Variants in TAFA2 observed in about 807,000 individuals in gnomAD.
The protein encoded by TAFA2 is chemokine-like protein TAFA-2.
In TAFA2, 7 loss-of-function variants were observed where a neutral mutation model predicts 18.8. That is an observed-to-expected ratio of 0.37 (90% CI 0.21 to 0.70). TAFA2 has a LOEUF of 0.70. Among genes scored for constraint, TAFA2 ranks in the 30% least tolerant of loss-of-function variants. The probability of loss-of-function intolerance (pLI) is 0.53; values close to 1 mark genes in which losing one functional copy is unlikely to be tolerated. For synonymous variants in TAFA2, 60 were observed against 54.2 expected, an observed-to-expected ratio of 1.11 and a Z score of -0.47; for missense variants, 122 against 158.1, an observed-to-expected ratio of 0.77 and a Z score of 1.23.
At chr12:61,828,648 T>C (rs532722035) in intron 2 of TAFA2, among the ~76,000 whole-genome samples, 1 of 151,922 alleles carries the variant, frequency 6.6e-6, no homozygotes, top group East Asian at 1.9e-4. Context: ...TTACCAATAT[T>C]TGGGAGAAAA....
intron 2 of TAFA2, among the ~76,000 whole-genome samples, chr12:61,864,381 A>G (rs1449430535): frequency 6.7e-6 from 1 of 149,174 alleles, no homozygotes; most frequent in African/African-American, 2.5e-5. Flanking sequence ...TATATATACC[A>G]TATAGAAATA....
Position 61,967,487 on chromosome 12 carries a change from T to C in TAFA2, c.-1-100061A>G, listed in dbSNP as rs1879108100. Among the ~76,000 whole-genome samples, 2 of 151,872 alleles carry C rather than the reference T, an allele frequency of 1.3e-5. 1 individual carries two copies. Among genetic ancestry groups the C allele is most frequent in the South Asian group, 4.1e-4 (2 of 4,826 alleles). On this transcript the variant is annotated intron_variant, in intron 1 of 4. Transcript: ENST00000416284. ...TTCTAAAGAACATGCTACACTCCCA[T>C]TGTTTGTCCTATCCATTTGTCCATT...
At chr12:61,774,020 C>T (rs1592379605) in intron 2 of TAFA2, among the ~76,000 whole-genome samples, 1 of 151,770 alleles carries the variant, frequency 6.6e-6, no homozygotes, top group Non-Finnish European at 1.5e-5. Context: ...CAAACAATCC[C>T]ATCAAAAAGT....
chr12:62,208,543 A>G (rs1347497339), intron 1 of TAFA2, among the ~76,000 whole-genome samples: 2 of 152,226 alleles, frequency 1.3e-5, no homozygotes, highest in Non-Finnish European at 2.9e-5. Flanking sequence ...CTTGGTAGGC[A>G]GCAAGTAAGT....
intron 2 of TAFA2, among the ~76,000 whole-genome samples, chr12:61,850,598 C>A (rs1478049413): frequency 6.6e-6 from 1 of 152,032 alleles, no homozygotes; most frequent in Admixed American, 6.6e-5. Flanking sequence ...ACCAGGAAAT[C>A]TATCTTTTAT....
intron 1 of TAFA2, chr12:62,234,329 C>A: frequency 1.9e-6 from 1 of 521,724 alleles, no homozygotes; most frequent in African/African-American, 1.9e-5. Context: ...GACTGCCTCT[C>A]CTCTGAGCAG....
intron 1 of TAFA2, among the ~76,000 whole-genome samples, chr12:62,216,335 C>T (rs1024699631): frequency 3.3e-5 from 5 of 152,172 alleles, no homozygotes; most frequent in African/African-American, 1.2e-4. Context: ...TAATTTTAAA[C>T]TCTGAAACTG....
intron 1 of TAFA2, among the ~76,000 whole-genome samples, chr12:62,123,020 C>A (rs375731887): frequency 6.6e-6 from 1 of 152,304 alleles, no homozygotes; most frequent in Admixed American, 6.5e-5. Context: ...CTTCCAGCTA[C>A]AGGTATCTAC....
At chr12:62,217,966 G>GTATTTATTTATT (rs68172819) in intron 1 of TAFA2, among the ~76,000 whole-genome samples, 2 of 127,516 alleles carry the variant, frequency 1.6e-5, no homozygotes, top group Non-Finnish European at 3.2e-5. Context: ...TTTTATGTAT[G>GTATTTATTTATT]TATTTATTTA....
intron 1 of TAFA2, among the ~76,000 whole-genome samples, chr12:62,053,741 C>T (rs745946916): frequency 1.3e-5 from 2 of 152,138 alleles, no homozygotes; most frequent in Non-Finnish European, 2.9e-5. Flanking sequence ...TAATTTGAAA[C>T]CTGGTTCTAC....
chr12:62,106,037 TAAAG>T (rs1869433467), intron 1 of TAFA2, among the ~76,000 whole-genome samples: 2 of 151,966 alleles, frequency 1.3e-5, no homozygotes, highest in Admixed American at 1.3e-4. Flanking sequence ...AGAAATGTCA[TAAAG>T]AAAAGTATAG....
intron 1 of TAFA2, among the ~76,000 whole-genome samples, chr12:62,043,138 G>A (rs1225105576): frequency 2.0e-5 from 3 of 152,054 alleles, no homozygotes; most frequent in African/African-American, 4.8e-5. Flanking sequence ...AAATCCTGCT[G>A]TATTTAAGAA....
intron 1 of TAFA2, among the ~76,000 whole-genome samples, chr12:62,125,468 T>C (rs1195178694): frequency 6.6e-6 from 1 of 152,150 alleles, no homozygotes; most frequent in African/African-American, 2.4e-5. Flanking sequence ...GACACTCATC[T>C]TACCGTCGTG....
Position 62,038,757 on chromosome 12 carries a change from AG to A in TAFA2, c.-2+152501del, listed in dbSNP as rs1264385392. Among the ~76,000 whole-genome samples the A allele has an allele frequency of 9.2e-5, 14 of 152,330 alleles. No homozygotes were observed. The East Asian group carries it at 2.7e-3, about 29-fold the overall frequency. On this transcript the variant is annotated intron_variant, in intron 1 of 4. Transcript: ENST00000416284. ...GATCACTTAAAAATACTATGCAAAAAGGTACAACAATACAACGTTCCCAGGA... is the reference window on the plus strand; with the variant it reads ...GATCACTTAAAAATACTATGCAAAAAGTACAACAATACAACGTTCCCAGGA...
chr12:62,136,482 C>A (rs961736006), intron 1 of TAFA2, among the ~76,000 whole-genome samples: 3 of 152,066 alleles, frequency 2.0e-5, no homozygotes, highest in Non-Finnish European at 4.4e-5. Context: ...GAGGACAAAA[C>A]TTTTCAGAAT....
At chr12:61,843,485 C>T (rs552205857) in intron 2 of TAFA2, among the ~76,000 whole-genome samples, 1 of 152,130 alleles carries the variant, frequency 6.6e-6, no homozygotes, top group South Asian at 2.1e-4. Context: ...ATCTGTAATA[C>T]ACAGAGTAAG....
At chr12:62,082,047 G>T (rs1868333877) in intron 1 of TAFA2, among the ~76,000 whole-genome samples, 1 of 151,214 alleles carries the variant, frequency 6.6e-6, no homozygotes, top group Admixed American at 6.6e-5. Context: ...TACAGTGTTT[G>T]GTTTTCTGTT....
intron 2 of TAFA2, among the ~76,000 whole-genome samples, chr12:61,782,018 A>G (rs1870525644): frequency 6.6e-6 from 1 of 151,632 alleles, no homozygotes; most frequent in South Asian, 2.1e-4. Context: ...CCCTTAGAAA[A>G]CAGTGGGATT....
intron 1 of TAFA2, among the ~76,000 whole-genome samples, chr12:62,017,777 T>G (rs1880987612): frequency 6.6e-6 from 1 of 152,206 alleles, no homozygotes; most frequent in South Asian, 2.1e-4. Context: ...GAACACTTGC[T>G]GATTTTCAAT....
Sources: allele counts gnomAD v4.1 joint callset (sites outside exome capture counted in the v4.1 genomes callset), GRCh38; gene constraint gnomAD v4.1.1; transcripts MANE v1.5; gene names NCBI Gene and HGNC (gene_info 2026-07-23, HGNC 2026-07-21).